The following ASTN2 variants were observed in gnomAD, a reference collection of about 807,000 sequenced individuals.
ASTN2 encodes astrotactin-2.
Under a neutral mutation model 139.8 loss-of-function variants are expected in ASTN2, and 54 were observed. That is an observed-to-expected ratio of 0.39 (90% CI 0.31 to 0.48). ASTN2 has a LOEUF of 0.48. Among genes scored for constraint, ASTN2 ranks in the 20% least tolerant of loss-of-function variants. The probability of loss-of-function intolerance (pLI) is 0.95; values close to 1 mark genes in which losing one functional copy is unlikely to be tolerated. For synonymous variants in ASTN2, 756 were observed against 719.5 expected (o/e 1.05, Z -0.81); for missense variants, 1,565 against 1,725.1 (o/e 0.91, Z 1.64).
chr9:117,117,528 T>C (rs80303290), intron 4 of ASTN2, among the ~76,000 whole-genome samples: 20,755 of 152,018 alleles, frequency 0.14, 1,537 homozygotes, highest in East Asian at 0.2. Flanking sequence ...GAGCAGAGGC[T>C]TTTTCTCTCC....
chr9:116,819,815 C>A (rs1390658946), intron 12 of ASTN2, among the ~76,000 whole-genome samples: 1 of 152,082 alleles, frequency 6.6e-6, no homozygotes, highest in African/African-American at 2.4e-5. Flanking sequence ...TACTAAGGAC[C>A]AAATGCTATA....
chr9:117,050,221 T>C lies in ASTN2; in HGVS notation c.1277-10256A>G, dbSNP rs544902625. ...GAACAGAGCAAAAGAGCAGCCACAG[T>C]TTCCATGGCTACCAAGGACGATCAG... is the stretch of plus-strand genomic sequence containing the variant. On this transcript the variant is annotated intron_variant, in intron 5 of 22. Transcript: ENST00000313400. Among the ~76,000 whole-genome samples, 4 of 152,138 alleles carry C rather than the reference T, an allele frequency of 2.6e-5. No homozygotes were observed. The South Asian group carries it at 8.3e-4, about 32-fold the overall frequency.
chr9:116,505,305 CAATG>C lies in ASTN2; in HGVS notation c.3356-17809_3356-17806del, dbSNP rs1850060717. ...CCAGGGAGTCTCTGCTCTGTGGAAACAATGTTGGTTCCCGCTCAGCTTTTCCCTG... is the reference window on the plus strand; with the variant it reads ...CCAGGGAGTCTCTGCTCTGTGGAAACTTGGTTCCCGCTCAGCTTTTCCCTG... On this transcript the variant is annotated intron_variant, in intron 19 of 22. Coordinates refer to ENST00000313400, the MANE Select transcript of ASTN2 (RefSeq NM_001365068.1). Among the ~76,000 whole-genome samples, 31 of 151,954 alleles carry C rather than the reference CAATG, an allele frequency of 2.0e-4. 1 individual carries two copies. Among genetic ancestry groups the C allele is most frequent in the Admixed American group, 2.0e-3 (31 of 15,206 alleles).
intron 11 of ASTN2, among the ~76,000 whole-genome samples, chr9:116,850,064 A>G (rs1167012272): frequency 1.3e-5 from 2 of 152,266 alleles, no homozygotes; most frequent in South Asian, 4.1e-4. Flanking sequence ...ATTGAAAAGG[A>G]TGAGGTTCCC....
chr9:117,174,158 GATA>G (rs1356316084), intron 3 of ASTN2, among the ~76,000 whole-genome samples: 2 of 151,742 alleles, frequency 1.3e-5, no homozygotes, highest in Non-Finnish European at 3.0e-5. Context: ...TAGATAGATA[GATA>G]GATAGATAGA....
chr9:117,049,066 C>T (rs1268909371), intron 5 of ASTN2, among the ~76,000 whole-genome samples: 1 of 150,318 alleles, frequency 6.7e-6, no homozygotes. Flanking sequence ...CTCCCAGGCT[C>T]AAGTGATTCT....
chr9:117,292,482 T>A (rs759638749), intron 1 of ASTN2, among the ~76,000 whole-genome samples: 2 of 152,168 alleles, frequency 1.3e-5, no homozygotes, highest in Non-Finnish European at 2.9e-5. Flanking sequence ...TCAGTGAATC[T>A]TATGCATGAA....
At chr9:116,925,910 G>GCA (rs1169063343) in intron 10 of ASTN2, among the ~76,000 whole-genome samples, 5 of 150,596 alleles carry the variant, frequency 3.3e-5, no homozygotes, top group African/African-American at 9.8e-5. Context: ...ATGCACACAT[G>GCA]CACATAGGGA....
chr9:117,272,105 G>A (rs2133126527), intron 2 of ASTN2, among the ~76,000 whole-genome samples: 1 of 152,350 alleles, frequency 6.6e-6, no homozygotes, highest in African/African-American at 2.4e-5. Flanking sequence ...ACTTTTGCCT[G>A]GGCTTCAAGG....
chr9:116,913,209 C>T (rs1051711700), intron 10 of ASTN2, among the ~76,000 whole-genome samples: 1 of 152,174 alleles, frequency 6.6e-6, no homozygotes. Flanking sequence ...TGGCCTTATC[C>T]AGGTAACTTA....
At chr9:116,890,841 G>A (rs545566671) in intron 10 of ASTN2, among the ~76,000 whole-genome samples, 1 of 152,114 alleles carries the variant, frequency 6.6e-6, no homozygotes, top group Non-Finnish European at 1.5e-5. Flanking sequence ...ACTCAGCACC[G>A]CCTGAGGCAG....
chr9:116,484,970 C>T (rs1849291601), intron 20 of ASTN2, among the ~76,000 whole-genome samples: 1 of 152,180 alleles, frequency 6.6e-6, no homozygotes, highest in African/African-American at 2.4e-5. Flanking sequence ...CATCAAGCCC[C>T]TACAGCGTCA....
At chr9:116,723,885 A>G (rs1588240672) in intron 16 of ASTN2, among the ~76,000 whole-genome samples, 1 of 152,134 alleles carries the variant, frequency 6.6e-6, no homozygotes, top group East Asian at 1.9e-4. Context: ...GAAGGAAAAC[A>G]CCAAGTTTAC....
intron 2 of ASTN2, among the ~76,000 whole-genome samples, chr9:117,244,970 A>G (rs984799311): frequency 5.3e-5 from 8 of 152,168 alleles, no homozygotes; most frequent in African/African-American, 1.7e-4. Flanking sequence ...TCTAATGTCA[A>G]TGAATACAGA....
Position 117,214,702 on chromosome 9 carries a change from G to A in ASTN2, c.671C>T (p.Thr224Ile), listed in dbSNP as rs748726112. The A allele has an allele frequency of 3.0e-5, 45 of 1,521,688 alleles. No individual in the cohort carries two copies. The South Asian group carries it at 5.3e-4, about 18-fold the overall frequency. 94.3% of individuals were successfully genotyped at this position (1,521,688 alleles called of 1,614,324 possible). The change falls in exon 3 of 23, where the codon ACC (threonine) becomes ATC (isoleucine). Residue 224 changes from threonine to isoleucine, a missense_variant. Thr to Ile is a moderately conservative substitution (Grantham distance 89, BLOSUM62 -1). Around this residue, in one of 4 missense-constraint regions of ASTN2, gnomAD observed 596 missense variants for 576.8 expected, o/e 1.03. Coordinates refer to ENST00000313400, the MANE Select transcript of ASTN2 (RefSeq NM_001365068.1). ...ACGTCGCTGGGCGTACAGCGCCACG[G>A]TGAACACCAGCAGCAGCAGCAGCAG... ...IALLLLLLVF[T>I]VALYAQRRWQ...
chr9:117,149,503 C>T (rs1050190929), intron 3 of ASTN2, among the ~76,000 whole-genome samples: 2 of 152,092 alleles, frequency 1.3e-5, no homozygotes, highest in Middle Eastern at 3.4e-3. Context: ...CCAATGCAAC[C>T]TCAGTTTGTG....
intron 2 of ASTN2, among the ~76,000 whole-genome samples, chr9:117,216,122 A>G (rs1277579404): frequency 1.3e-5 from 2 of 152,234 alleles, no homozygotes; most frequent in Non-Finnish European, 2.9e-5. Context: ...AACAAAGATG[A>G]CAGATGTTAG....
intron 13 of ASTN2, among the ~76,000 whole-genome samples, chr9:116,739,767 C>A (rs188577158): frequency 2.6e-5 from 4 of 152,324 alleles, no homozygotes; most frequent in Admixed American, 1.3e-4. Context: ...CAGGGCCCAG[C>A]AGTGCAAACT....
chr9:116,614,458 C>T (rs543682597), intron 19 of ASTN2, among the ~76,000 whole-genome samples: 2 of 152,254 alleles, frequency 1.3e-5, no homozygotes, highest in South Asian at 4.2e-4. Context: ...CATCACACTA[C>T]CTGACTTCAA....
Sources: allele counts gnomAD v4.1 joint callset (sites outside exome capture counted in the v4.1 genomes callset), GRCh38; gene constraint gnomAD v4.1.1; regional missense constraint gnomAD v4.1.1; transcripts MANE v1.5; gene names NCBI Gene and HGNC (gene_info 2026-07-23, HGNC 2026-07-21).